Variants in CADM1 observed in about 807,000 individuals in gnomAD.
The protein encoded by CADM1 is cell adhesion molecule 1.
A neutral mutation model predicts 53.1 loss-of-function variants in CADM1; 15 were observed. The observed-to-expected ratio is 0.28, with a 90% CI of 0.19 to 0.44. CADM1 has a LOEUF of 0.44. CADM1 is among the 20% of genes least tolerant of loss of function. The pLI, the probability that CADM1 is intolerant of heterozygous loss-of-function variation, is 1.00. For missense variants in CADM1, 434 were observed against 611.3 expected (o/e 0.71, Z 3.06); for synonymous variants, 281 against 243.0 (o/e 1.16, Z -1.45).
chr11:115,393,824 C>T (rs1425811604), intron 1 of CADM1, among the ~76,000 whole-genome samples: 1 of 152,020 alleles, frequency 6.6e-6, no homozygotes, highest in South Asian at 2.1e-4. Context: ...ACTGTCCTTA[C>T]CATGAATATA....
intron 1 of CADM1, among the ~76,000 whole-genome samples, chr11:115,324,824 T>G (rs1305643790): frequency 6.6e-6 from 1 of 152,140 alleles, no homozygotes; most frequent in African/African-American, 2.4e-5. Context: ...AAGGCTGGTG[T>G]GTGTCTAGAT....
chr11:115,200,038 G>A (rs1940346769), intron 8 of CADM1, among the ~76,000 whole-genome samples: 1 of 152,164 alleles, frequency 6.6e-6, no homozygotes. Flanking sequence ...ATGCTTTCCA[G>A]AGGATCCTAT....
intron 1 of CADM1, among the ~76,000 whole-genome samples, chr11:115,272,859 C>G (rs1470262374): frequency 6.6e-6 from 1 of 151,546 alleles, no homozygotes; most frequent in Admixed American, 6.6e-5. Flanking sequence ...TGTAACTAAC[C>G]TGCACAATGT....
chr11:115,389,177 A>G (rs544915666), intron 1 of CADM1, among the ~76,000 whole-genome samples: 2 of 152,256 alleles, frequency 1.3e-5, no homozygotes, highest in African/African-American at 4.8e-5. Context: ...CAAATGATAA[A>G]GCAAATGGAA....
intron 1 of CADM1, among the ~76,000 whole-genome samples, chr11:115,440,252 T>A (rs1246774353): frequency 6.6e-6 from 1 of 152,218 alleles, no homozygotes; most frequent in South Asian, 2.1e-4. Flanking sequence ...AAACATTTCA[T>A]CTCCTGACAG....
At chr11:115,374,621 A>G (rs1183810621) in intron 1 of CADM1, among the ~76,000 whole-genome samples, 1 of 152,220 alleles carries the variant, frequency 6.6e-6, no homozygotes, top group African/African-American at 2.4e-5. Flanking sequence ...ATACCTACCT[A>G]TGAAGTATTC....
At chr11:115,404,349 ATATAT>A (rs1565410050) in intron 1 of CADM1, among the ~76,000 whole-genome samples, 395 of 23,114 alleles carry the variant, frequency 0.017, 15 homozygotes, top group Non-Finnish European at 0.024. Context: ...AAAAAAAAAT[ATATAT>A]ATATATATAT....
At chr11:115,408,727 T>TA (rs1947379670) in intron 1 of CADM1, among the ~76,000 whole-genome samples, 1 of 152,190 alleles carries the variant, frequency 6.6e-6, no homozygotes, top group Non-Finnish European at 1.5e-5. Context: ...GGCTCCTAAA[T>TA]AGTCCAAATC....
At chr11:115,268,569 C>A (rs530047346) in intron 1 of CADM1, among the ~76,000 whole-genome samples, 1 of 152,166 alleles carries the variant, frequency 6.6e-6, no homozygotes, top group Non-Finnish European at 1.5e-5. Flanking sequence ...GGGAAAGGAC[C>A]CTACCCCAGC....
chr11:115,393,103 C>G (rs1474515283), intron 1 of CADM1, among the ~76,000 whole-genome samples: 1 of 147,110 alleles, frequency 6.8e-6, no homozygotes, highest in African/African-American at 2.5e-5. Context: ...AGAAATAGCC[C>G]ATTCAATTAT....
chr11:115,332,063 T>C (rs748118890), intron 1 of CADM1, among the ~76,000 whole-genome samples: 2 of 152,020 alleles, frequency 1.3e-5, no homozygotes, highest in Non-Finnish European at 1.5e-5. Flanking sequence ...AGAACCTGAG[T>C]TGGAAATTCT....
chr11:115,441,700 T>C (rs1173087250), intron 1 of CADM1, among the ~76,000 whole-genome samples: 1 of 152,124 alleles, frequency 6.6e-6, no homozygotes, highest in Non-Finnish European at 1.5e-5. Flanking sequence ...CTGAAATCAA[T>C]GAGAAGTTGT....
At chr11:115,224,534 A>G (rs989109401) in intron 5 of CADM1, among the ~76,000 whole-genome samples, 4 of 152,124 alleles carry the variant, frequency 2.6e-5, no homozygotes, top group African/African-American at 7.2e-5. Flanking sequence ...GCACAAACAC[A>G]AAACCCTCAA....
intron 1 of CADM1, among the ~76,000 whole-genome samples, chr11:115,320,119 A>C (rs926955038): frequency 6.6e-6 from 1 of 152,158 alleles, no homozygotes; most frequent in Admixed American, 6.5e-5. Flanking sequence ...GCCGGAGTGC[A>C]GTAGTGCGAT....
chr11:115,194,418 C>A (rs944694614), intron 9 of CADM1, among the ~76,000 whole-genome samples: 1 of 152,168 alleles, frequency 6.6e-6, no homozygotes, highest in African/African-American at 2.4e-5. Flanking sequence ...AAGGGCTGTG[C>A]TCGTAGGGTA....
In CADM1 at chr11:115,268,449, T is replaced by C. The variant is rs142325460; in HGVS notation, c.125-28029A>G. On this transcript the variant is annotated intron_variant, in intron 1 of 11. Coordinates refer to ENST00000331581, the MANE Select transcript of CADM1 (RefSeq NM_001301043.2). Reference sequence around the variant, plus strand: ...CACAACCAAATCTCTATCTGCACTCTTCAGATTTCTCCTCATTAAGTCTTA... The same window carrying C: ...CACAACCAAATCTCTATCTGCACTCCTCAGATTTCTCCTCATTAAGTCTTA... Among the ~76,000 whole-genome samples, 12 of 152,288 alleles carry C rather than the reference T, an allele frequency of 7.9e-5. No individual in the cohort carries two copies. In the East Asian group the frequency reaches 2.3e-3, roughly 29 times the overall value.
At chr11:115,386,316 G>A (rs1456229545) in intron 1 of CADM1, among the ~76,000 whole-genome samples, 1 of 152,192 alleles carries the variant, frequency 6.6e-6, no homozygotes, top group African/African-American at 2.4e-5. Flanking sequence ...CCTATGCAGA[G>A]CTGGAATATA....
intron 1 of CADM1, among the ~76,000 whole-genome samples, chr11:115,386,201 A>T (rs1378494644): frequency 6.6e-6 from 1 of 152,268 alleles, no homozygotes; most frequent in Admixed American, 6.5e-5. Flanking sequence ...TTTGAAAAAG[A>T]AAAGGACATG....
chr11:115,444,849 G>A (rs943445692), intron 1 of CADM1, among the ~76,000 whole-genome samples: 5 of 152,202 alleles, frequency 3.3e-5, no homozygotes, highest in African/African-American at 9.7e-5. Context: ...ACACTAGAGG[G>A]AGAAATCAAC....
Sources: gnomAD v4.1 joint callset for allele counts (sites outside exome capture counted in the v4.1 genomes callset) on GRCh38, gnomAD v4.1.1 for gene constraint, MANE v1.5 for transcripts, NCBI Gene and HGNC (gene_info 2026-07-23, HGNC 2026-07-21) for gene names.